The following SDHD variants were observed in gnomAD, a reference collection of about 807,000 sequenced individuals.
The protein encoded by SDHD is succinate dehydrogenase complex subunit D.
Under a neutral mutation model 18.7 loss-of-function variants are expected in SDHD, and 6 were observed. The ratio of observed to expected loss-of-function variants is 0.32; its 90% CI spans 0.18 to 0.63. SDHD has a LOEUF of 0.63. SDHD is among the 30% of genes least tolerant of loss of function. The pLI is 0.79. For missense variants in SDHD, 160 were observed against 192.7 expected (o/e 0.83, Z 1.00); for synonymous variants, 56 against 73.9 (o/e 0.76, Z 1.24).
At chr11:112,091,234 G>A (rs1865740368) in intron 3 of SDHD, 1 of 291,316 alleles carries the variant, frequency 3.4e-6, no homozygotes, top group Non-Finnish European at 5.1e-6. Flanking sequence ...ATTAATTGGG[G>A]TCTTATCCCA....
Position 112,095,083 on chromosome 11 carries a change from CCTT to C in SDHD, c.*119_*121del, listed in dbSNP as rs1379871189. ...AACAGATAAGTCCATTGGTGGACAG[CCTT>C]CTTCTCTTAATCACAAGATTATTTT... On this transcript the variant is annotated 3_prime_UTR_variant, in exon 4 of 4. Coordinates refer to ENST00000375549, the MANE Select transcript of SDHD (RefSeq NM_003002.4). 1.1e-5 allele frequency: 9 copies of C among 816,684 alleles called. No individual in the cohort carries two copies. Among genetic ancestry groups the C allele is most frequent in the African/African-American group, 5.1e-5 (3 of 59,286 alleles). 50.6% of individuals were successfully genotyped at this position (816,684 alleles called of 1,614,324 possible). A position where few individuals can be genotyped will look rare whatever the true frequency, so the allele number is the denominator to read the frequency against.
chr11:112,088,120 A>G (rs555459837), intron 2 of SDHD, 147 bp downstream of exon 2: 18 of 757,140 alleles, frequency 2.4e-5, no homozygotes, highest in African/African-American at 1.2e-4. Flanking sequence ...ACCTTTGGGC[A>G]GACAGTGCCA....
At chr11:112,090,882 G>A (rs1170157243) in intron 3 of SDHD, among the ~76,000 whole-genome samples, 1 of 152,066 alleles carries the variant, frequency 6.6e-6, no homozygotes, top group Non-Finnish European at 1.5e-5. Flanking sequence ...TTTAAATCGA[G>A]ACGGGGTTTC....
intron 2 of SDHD, chr11:112,088,268 C>T (rs753207682): frequency 1.3e-4 from 50 of 392,792 alleles, no homozygotes; most frequent in Non-Finnish European, 2.1e-4. Flanking sequence ...GGTGCGATCT[C>T]GGCTCACTGC....
intron 3 of SDHD, 65 bp from the exon 4 acceptor site, chr11:112,094,740 T>G (rs1440929827): frequency 2.8e-6 from 4 of 1,436,606 alleles, no homozygotes; most frequent in Non-Finnish European, 2.9e-6. Context: ...AGCCAAGTTA[T>G]CTGTATAGTC....
chr11:112,095,549 A>G lies in SDHD; in HGVS notation c.*579A>G, dbSNP rs139418464. ...GAAGAAACGCTTGGAGTGCTTCTGA[A>G]TATACAGAAGTTCCATTTAAGGGCA... On this transcript the variant is annotated 3_prime_UTR_variant, in exon 4 of 4. Coordinates refer to ENST00000375549, the MANE Select transcript of SDHD (RefSeq NM_003002.4). The G allele has an allele frequency of 2.6e-4, 60 of 232,560 alleles. No individual in the cohort carries two copies. The highest frequency in any genetic ancestry group is 1.1e-3 in the African/African-American group (51 of 45,376). 14.4% of individuals were successfully genotyped at this position (232,560 alleles called of 1,614,324 possible).
At chr11:112,088,021 C>G (rs199951083) in intron 2 of SDHD, 48 bp downstream of exon 2, 1 of 1,274,566 alleles carries the variant, frequency 7.8e-7, no homozygotes, top group Non-Finnish European at 1.1e-6. Context: ...GCCATCTTTA[C>G]CTTCACTAAT....
chr11:112,088,309 C>T (rs994875554), intron 2 of SDHD: 32 of 363,316 alleles, frequency 8.8e-5, no homozygotes, highest in East Asian at 8.3e-4. Flanking sequence ...AAGCAATTCT[C>T]CTGCCCCTGC....
Position 112,087,308 on chromosome 11 carries a change from T to C in SDHD, c.52+349T>C, listed in dbSNP as rs372635076. ...GGAAAGAGGGTTAGGAGCTTGCCCATTTCTTCTGGAGTTGGTGTGTTTGGA... is the reference window on the plus strand; with the variant it reads ...GGAAAGAGGGTTAGGAGCTTGCCCACTTCTTCTGGAGTTGGTGTGTTTGGA... On this transcript the variant is annotated intron_variant, in intron 1 of 3. Transcript: ENST00000375549. 2.1e-4 allele frequency among the ~76,000 whole-genome samples: 32 copies of C among 152,252 alleles called. No individual in the cohort carries two copies. In the South Asian group the frequency reaches 6.6e-3, roughly 32 times the overall value.
intron 3 of SDHD, among the ~76,000 whole-genome samples, chr11:112,091,474 G>A (rs979326721): frequency 3.9e-5 from 6 of 152,160 alleles, no homozygotes; most frequent in African/African-American, 1.2e-4. Flanking sequence ...CCAGGGCTGA[G>A]TCATGGCCTT....
rs17113461 is a variant in SDHD at position 112,095,773 on chromosome 11, A to G, written c.*803A>G. ...TTTTTTAAATAAAATGTTATATAAT[A>G]AAAGTGTCTTCTATGCTTTTATATA... is the stretch of plus-strand genomic sequence containing the variant. On this transcript the variant is annotated 3_prime_UTR_variant, in exon 4 of 4. Transcript: ENST00000375549. 0.08 allele frequency: 16,453 copies of G among 205,586 alleles called. 2,317 individuals are homozygous for G. The highest frequency in any genetic ancestry group is 0.32 in the African/African-American group (13,972 of 43,796). 12.7% of individuals were successfully genotyped at this position (205,586 alleles called of 1,614,324 possible). A position where few individuals can be genotyped will look rare whatever the true frequency, so the allele number is the denominator to read the frequency against.
intron 1 of SDHD, among the ~76,000 whole-genome samples, chr11:112,087,194 G>T (rs547875751): frequency 2.0e-5 from 3 of 152,174 alleles, no homozygotes; most frequent in Non-Finnish European, 4.4e-5. Flanking sequence ...GGAAGTCGCA[G>T]TCCTGATGAG....
At position 112,095,063 on chromosome 11, in the gene SDHD, A is replaced by T. The variant is rs201879236; in HGVS notation, c.*93A>T. 1 of 958,726 alleles carries T rather than the reference A, an allele frequency of 1.0e-6. No homozygotes were observed. The highest frequency in any genetic ancestry group is 1.7e-6 in the Non-Finnish European group (1 of 592,580). 59.4% of individuals were successfully genotyped at this position (958,726 alleles called of 1,614,324 possible). A position where few individuals can be genotyped will look rare whatever the true frequency, so the allele number is the denominator to read the frequency against. On this transcript the variant is annotated 3_prime_UTR_variant, in exon 4 of 4. Coordinates refer to ENST00000375549, the MANE Select transcript of SDHD (RefSeq NM_003002.4). Reference sequence around the variant, plus strand: ...GCTCACAATAAGGAAGAAATAACAGATAAGTCCATTGGTGGACAGCCTTCT... The same window carrying T: ...GCTCACAATAAGGAAGAAATAACAGTTAAGTCCATTGGTGGACAGCCTTCT...
chr11:112,087,179 C>T lies in SDHD; in HGVS notation c.52+220C>T, dbSNP rs1257210358. On this transcript the variant is annotated intron_variant, in intron 1 of 3. Transcript: ENST00000375549. ...GAGGGAATAATCAGAAAGAGAGCTCCCTCTGGAAGTCGCAGTCCTGATGAG... is the reference window on the plus strand; with the variant it reads ...GAGGGAATAATCAGAAAGAGAGCTCTCTCTGGAAGTCGCAGTCCTGATGAG... Among the ~76,000 whole-genome samples, 8 of 152,228 alleles carry T rather than the reference C, an allele frequency of 5.3e-5. No individual in the cohort carries two copies. The East Asian group carries it at 1.4e-3, about 26-fold the overall frequency.
intron 3 of SDHD, chr11:112,093,241 T>C: frequency 3.6e-6 from 1 of 281,484 alleles, no homozygotes; most frequent in Non-Finnish European, 7.2e-6. Context: ...TAATTTTGTA[T>C]TTTTTGTAGA....
intron 2 of SDHD, 98 bp from the exon 3 acceptor site, chr11:112,088,769 T>C: frequency 7.7e-7 from 1 of 1,294,066 alleles, no homozygotes; most frequent in Non-Finnish European, 1.1e-6. Flanking sequence ...ATCCTATATG[T>C]ACACTGCCTG....
In SDHD at chr11:112,088,605, C is replaced by T. The variant is rs147265009; in HGVS notation, c.170-262C>T. On this transcript the variant is annotated intron_variant, in intron 2 of 3. Coordinates refer to ENST00000375549, the MANE Select transcript of SDHD (RefSeq NM_003002.4). ...CAATACAGCAATTCTGTTTTTTATC[C>T]ATCTTCTTGGATCTGTCTTCTAATC... 1.2e-3 allele frequency: 608 copies of T among 524,326 alleles called. 9 individuals are homozygous for T. In the East Asian group the frequency reaches 0.02, roughly 17 times the overall value. The allele number at this position is 524,326 out of a possible 1,614,324, so 32.5% of individuals were successfully genotyped here.
At chr11:112,090,266 A>T (rs1319074498) in intron 3 of SDHD, among the ~76,000 whole-genome samples, 1 of 151,858 alleles carries the variant, frequency 6.6e-6, no homozygotes, top group African/African-American at 2.4e-5. Context: ...GCACCACCAC[A>T]TCCGGCTAAT....
At chr11:112,089,171 G>A (rs1865698694) in intron 3 of SDHD, 160 bp downstream of exon 3, 1 of 690,894 alleles carries the variant, frequency 1.4e-6, no homozygotes, top group Admixed American at 2.7e-5. Context: ...TTATATATCT[G>A]CCTGCCTATT....
Sources: allele counts gnomAD v4.1 joint callset (sites outside exome capture counted in the v4.1 genomes callset), GRCh38; gene constraint gnomAD v4.1.1; transcripts MANE v1.5; gene names NCBI Gene and HGNC (gene_info 2026-07-23, HGNC 2026-07-21).